Variants in WDR72 observed in about 807,000 individuals in gnomAD.
WDR72 encodes WD repeat domain 72.
WDR72 carries 120 observed loss-of-function variants against 124.2 expected under a neutral mutation model. The ratio of observed to expected loss-of-function variants is 0.97; its 90% CI spans 0.83 to 1.12. The LOEUF (loss-of-function observed/expected upper bound fraction) is 1.12, where lower values mean the gene tolerates loss of function less well. Ranked by LOEUF, WDR72 falls within the 50% of genes most tolerant of loss-of-function variation. The probability of loss-of-function intolerance (pLI) is 0.00; values close to 1 mark genes in which losing one functional copy is unlikely to be tolerated. For missense variants in WDR72, 1,387 were observed against 1,278.8 expected (o/e 1.08, Z -1.29); for synonymous variants, 452 against 441.7 (o/e 1.02, Z -0.29).
intron 18 of WDR72, among the ~76,000 whole-genome samples, chr15:53,567,263 A>T (rs898727290): frequency 5.9e-5 from 9 of 152,000 alleles, no homozygotes; most frequent in Admixed American, 3.3e-4. Context: ...TCACATTTGG[A>T]ATCGAGAAAT....
intron 13 of WDR72, among the ~76,000 whole-genome samples, chr15:53,683,220 A>G (rs1330184254): frequency 6.6e-6 from 1 of 152,106 alleles, no homozygotes; most frequent in African/African-American, 2.4e-5. Context: ...ACAGAGCCAA[A>G]CCCTATCAGG....
chr15:53,544,760 AC>A (rs1893356592), intron 18 of WDR72, among the ~76,000 whole-genome samples: 2 of 149,934 alleles, frequency 1.3e-5, no homozygotes, highest in South Asian at 4.3e-4. Context: ...TATCTAGAAA[AC>A]CCCATTGCCT....
In WDR72 at chr15:53,704,941, C is replaced by A. The variant is rs780600911; in HGVS notation, c.1348+47G>T. The A allele has an allele frequency of 3.1e-6, 5 of 1,604,420 alleles. No homozygotes were observed. In the South Asian group the frequency reaches 5.6e-5, roughly 18 times the overall value. On this transcript the variant is annotated intron_variant, in intron 11 of 19. Coordinates refer to ENST00000360509, the MANE Select transcript of WDR72 (RefSeq NM_182758.4). ...TGTTTAGTGCAGTCTGTTGAAATTG[C>A]AGCTTTAGATAAATCAAATAAATAG...
chr15:53,699,940 C>G lies in WDR72; in HGVS notation c.1575G>C (p.Arg525Ser), dbSNP rs752455308. 3 of 1,614,172 alleles carry G rather than the reference C, an allele frequency of 1.9e-6. No individual in the cohort carries two copies. The highest frequency in any genetic ancestry group is 2.5e-6 in the Non-Finnish European group (3 of 1,180,040). ...LLMSPEKFKL[R>S]GEQIICCVCG... is the part of the protein sequence containing the mutation. ...ACACACAGCAAATTATCTGCTCACC[C>G]CTTAGCTGTGAAAAAACAACATGCT... The change falls in exon 13 of 20, where the codon AGG becomes AGC. Residue 525 changes from arginine to serine, a missense_variant. Transcript: ENST00000360509.
intron 13 of WDR72, among the ~76,000 whole-genome samples, chr15:53,670,310 G>A (rs2015941913): frequency 6.6e-6 from 1 of 152,176 alleles, no homozygotes; most frequent in Non-Finnish European, 1.5e-5. Context: ...AGTTTCCAAA[G>A]TTGCGTAGTT....
At chr15:53,535,867 T>C (rs1447831172) in intron 18 of WDR72, among the ~76,000 whole-genome samples, 8 of 152,116 alleles carry the variant, frequency 5.3e-5, no homozygotes, top group Admixed American at 5.2e-4. Context: ...TCCATGGAAG[T>C]GGCTCAAGGC....
chr15:53,591,032 C>T (rs1236838010), intron 18 of WDR72, among the ~76,000 whole-genome samples: 2 of 151,998 alleles, frequency 1.3e-5, no homozygotes, highest in Non-Finnish European at 2.9e-5. Context: ...AAGAAAAGGG[C>T]ATAAATGGCT....
intron 18 of WDR72, among the ~76,000 whole-genome samples, chr15:53,529,164 A>ATATATATATATATATTTTTTTTT (rs59003623): frequency 1.8e-4 from 14 of 78,142 alleles, no homozygotes; most frequent in African/African-American, 7.0e-4. Flanking sequence ...ATATATATAT[A>ATATATATATATATATTTTTTTTT]TTTTTTTTTT....
chr15:53,538,361 G>A (rs147071428), intron 18 of WDR72, among the ~76,000 whole-genome samples: 167 of 152,160 alleles, frequency 1.1e-3, no homozygotes, highest in African/African-American at 4.0e-3. Context: ...TTTTTTCCTG[G>A]TTTCCATTCA....
upstream of WDR72, among the ~76,000 whole-genome samples, chr15:53,759,962 GC>G (rs1472984554): frequency 5.3e-5 from 8 of 151,236 alleles, no homozygotes; most frequent in Non-Finnish European, 1.2e-4. Flanking sequence ...GATCAAAAGA[GC>G]CCAGGTGACG....
At chr15:53,545,438 G>T (rs961449356) in intron 18 of WDR72, among the ~76,000 whole-genome samples, 47 of 150,424 alleles carry the variant, frequency 3.1e-4, no homozygotes, top group Non-Finnish European at 5.6e-4. Context: ...AATAAACGGT[G>T]CTGGGAAAAC....
rs556354068 is a variant in WDR72 at position 53,725,898 on chromosome 15, C to T, written c.154-2990G>A. Among the ~76,000 whole-genome samples, 13 of 151,952 alleles carry T rather than the reference C, an allele frequency of 8.6e-5. 1 individual carries two copies. The South Asian group carries it at 2.7e-3, about 32-fold the overall frequency. Reference sequence around the variant, plus strand: ...ACACCAACCTGGCTAACAGGACGAACCTCGTATCTATTAAAAATATAAAAA... The same window carrying T: ...ACACCAACCTGGCTAACAGGACGAATCTCGTATCTATTAAAAATATAAAAA... On this transcript the variant is annotated intron_variant, in intron 2 of 19. Coordinates refer to ENST00000360509, the MANE Select transcript of WDR72 (RefSeq NM_182758.4).
At chr15:53,684,737 A>T (rs1201085711) in intron 13 of WDR72, 1 of 152,738 alleles carries the variant, frequency 6.5e-6, no homozygotes, top group African/African-American at 2.4e-5. Context: ...CTGCCTCTGT[A>T]GGCTCCACCT....
Position 53,608,078 on chromosome 15 carries a change from T to C in WDR72, c.2952+1435A>G, listed in dbSNP as rs139451509. ...GAAATGTAAATGAGTACAACCACTA[T>C]GGAGAACAGTTTGGAGGTTCCTCAA... On this transcript the variant is annotated intron_variant, in intron 17 of 19. Transcript: ENST00000360509. Among the ~76,000 whole-genome samples, 1,438 of 152,274 alleles carry C rather than the reference T, an allele frequency of 9.4e-3. 34 individuals are homozygous for C. Among genetic ancestry groups the C allele is most frequent in the African/African-American group, 0.033 (1,387 of 41,546 alleles).
chr15:53,521,351 A>C (rs1467313256), intron 19 of WDR72, among the ~76,000 whole-genome samples: 1 of 152,032 alleles, frequency 6.6e-6, no homozygotes, highest in Non-Finnish European at 1.5e-5. Context: ...CGATGTCTCC[A>C]TGACAACCAA....
intron 1 of WDR72, among the ~76,000 whole-genome samples, chr15:53,743,271 T>C (rs888532959): frequency 6.6e-6 from 1 of 152,080 alleles, no homozygotes; most frequent in Admixed American, 6.6e-5. Flanking sequence ...TTATAGAGTT[T>C]AATTTATAGA....
At chr15:53,579,216 GT>G (rs554059796) in intron 18 of WDR72, among the ~76,000 whole-genome samples, 304 of 152,176 alleles carry the variant, frequency 2.0e-3, no homozygotes, top group African/African-American at 7.1e-3. Context: ...TCATTGAAGG[GT>G]TTTAAGTAGA....
chr15:53,713,192 G>GAAA (rs34671677), intron 6 of WDR72, among the ~76,000 whole-genome samples: 11 of 133,748 alleles, frequency 8.2e-5, no homozygotes, highest in African/African-American at 2.7e-4. Flanking sequence ...TGTATTTCTT[G>GAAA]AAAAAAAAAA....
intron 14 of WDR72, among the ~76,000 whole-genome samples, chr15:53,650,916 T>TTTTTTTTTC (rs1555418926): frequency 1.4e-5 from 2 of 142,452 alleles, no homozygotes; most frequent in African/African-American, 5.2e-5. Context: ...TTTTTTTTTT[T>TTTTTTTTTC]ACATAGCAAA....
Sources: allele counts gnomAD v4.1 joint callset (sites outside exome capture counted in the v4.1 genomes callset), GRCh38; gene constraint gnomAD v4.1.1; transcripts MANE v1.5; gene names NCBI Gene and HGNC (gene_info 2026-07-23, HGNC 2026-07-21).